ARID1B: variants seen among roughly 807,000 people sequenced by gnomAD.
ARID1B encodes the protein AT-rich interactive domain-containing protein 1B.
A neutral mutation model predicts 212.3 loss-of-function variants in ARID1B; 30 were observed. The observed-to-expected ratio is 0.14, with a 90% confidence interval of 0.11 to 0.19. The LOEUF (loss-of-function observed/expected upper bound fraction) is 0.19. ARID1B is among the 10% of genes least tolerant of loss of function. The probability of loss-of-function intolerance (pLI) is 1.00; values close to 1 mark genes in which losing one functional copy is unlikely to be tolerated. For missense variants in ARID1B, 2,891 were observed against 3,204.0 expected (o/e 0.90, Z 2.36); for synonymous variants, 1,402 against 1,301.7 (o/e 1.08, Z -1.66).
At chr6:156,792,830 G>A (rs1016615449) in intron 1 of ARID1B, among the ~76,000 whole-genome samples, 1 of 152,200 alleles carries the variant, frequency 6.6e-6, no homozygotes, top group Non-Finnish European at 1.5e-5. Context: ...GGCTCTTTCC[G>A]TGGGTGTAAA....
intron 4 of ARID1B, among the ~76,000 whole-genome samples, chr6:157,004,717 G>A (rs1291312957): frequency 5.3e-5 from 8 of 152,050 alleles, no homozygotes; most frequent in Non-Finnish European, 1.2e-4. Flanking sequence ...AGGCTGGAGT[G>A]ATTTTATTGC....
chr6:157,051,250 G>C (rs1008969046), intron 4 of ARID1B, among the ~76,000 whole-genome samples: 2 of 152,194 alleles, frequency 1.3e-5, no homozygotes, highest in Non-Finnish European at 2.9e-5. Flanking sequence ...GAGAGGTTAA[G>C]CTGAACGAAC....
chr6:156,795,747 C>G (rs1780322688), intron 1 of ARID1B, among the ~76,000 whole-genome samples: 1 of 152,178 alleles, frequency 6.6e-6, no homozygotes, highest in Admixed American at 6.5e-5. Context: ...CCGAGACCCT[C>G]TGCGCCCTTC....
chr6:156,899,747 C>T (rs1033634533), intron 2 of ARID1B, among the ~76,000 whole-genome samples: 16 of 152,130 alleles, frequency 1.1e-4, no homozygotes, highest in African/African-American at 3.4e-4. Context: ...AGCGCCCCCT[C>T]CCCAAACAAC....
chr6:156,925,562 T>C lies in ARID1B; in HGVS notation c.2137-9904T>C, dbSNP rs766527224. On this transcript the variant is annotated intron_variant, in intron 3 of 19. Transcript: ENST00000636930. Reference sequence around the variant, plus strand: ...AAAAAAGTCTGGAAATAATTATTCCTTTGAATTGATAGAAAATAAATAATA... The same window carrying C: ...AAAAAAGTCTGGAAATAATTATTCCCTTGAATTGATAGAAAATAAATAATA... Among the ~76,000 whole-genome samples the C allele has an allele frequency of 3.9e-5, 6 of 152,164 alleles. 1 individual carries two copies. Among genetic ancestry groups the C allele is most frequent in the Non-Finnish European group, 7.3e-5 (5 of 68,038 alleles).
intron 2 of ARID1B, among the ~76,000 whole-genome samples, chr6:156,899,325 C>T (rs1432953978): frequency 6.6e-6 from 1 of 152,178 alleles, no homozygotes; most frequent in Non-Finnish European, 1.5e-5. Flanking sequence ...CCCATCATGG[C>T]TCCCATTGAA....
At chr6:157,126,803 CT>C (rs774330625) in intron 6 of ARID1B, among the ~76,000 whole-genome samples, 2 of 152,090 alleles carry the variant, frequency 1.3e-5, no homozygotes, top group Non-Finnish European at 2.9e-5. Context: ...TTTATATTTT[CT>C]GAATTTCCCT....
intron 4 of ARID1B, among the ~76,000 whole-genome samples, chr6:157,040,759 A>G (rs147727705): frequency 1.7e-3 from 257 of 152,298 alleles, no homozygotes; most frequent in African/African-American, 6.0e-3. Flanking sequence ...GCAAATATCT[A>G]TGTTCTACTT....
At chr6:156,908,619 T>C (rs1215578987) in intron 3 of ARID1B, among the ~76,000 whole-genome samples, 1 of 152,128 alleles carries the variant, frequency 6.6e-6, no homozygotes, top group Non-Finnish European at 1.5e-5. Context: ...CATTTTTTGT[T>C]TGATGAAGCT....
At chr6:156,784,971 G>T (rs1779537197) in intron 1 of ARID1B, among the ~76,000 whole-genome samples, 1 of 152,082 alleles carries the variant, frequency 6.6e-6, no homozygotes. Flanking sequence ...TGTTGCCCAG[G>T]CTGGTCTCGA....
intron 8 of ARID1B, among the ~76,000 whole-genome samples, chr6:157,154,651 C>T (rs923086057): frequency 1.3e-4 from 19 of 143,662 alleles, no homozygotes; most frequent in Non-Finnish European, 2.5e-4. Flanking sequence ...ACAATATCGG[C>T]TCACTGCAAC....
chr6:156,811,901 C>G (rs1343548235), intron 1 of ARID1B, among the ~76,000 whole-genome samples: 3 of 152,060 alleles, frequency 2.0e-5, no homozygotes, highest in African/African-American at 7.3e-5. Flanking sequence ...GATGCCTTCC[C>G]CAAAAAGCAT....
At chr6:156,834,221 AT>A (rs35667176) in intron 2 of ARID1B, among the ~76,000 whole-genome samples, 6,392 of 152,242 alleles carry the variant, frequency 0.042, 331 homozygotes, top group East Asian at 0.27. Flanking sequence ...CAATCTTTGA[AT>A]CCTAAATATG....
chr6:156,907,905 CAAAAA>C (rs1210631219), intron 3 of ARID1B, among the ~76,000 whole-genome samples: 3 of 74,448 alleles, frequency 4.0e-5, no homozygotes, highest in Admixed American at 1.6e-4. Context: ...AAGACTGTCT[CAAAAA>C]AAAAAAAAAA....
At chr6:157,189,823 T>A (rs2128339195) in intron 14 of ARID1B, 43 bp downstream of exon 14, 2 of 1,611,328 alleles carry the variant, frequency 1.2e-6, no homozygotes, top group East Asian at 4.5e-5. Flanking sequence ...GTCACATTTG[T>A]TCATCTTTTA....
intron 6 of ARID1B, among the ~76,000 whole-genome samples, chr6:157,127,163 C>T (rs908954083): frequency 1.3e-5 from 2 of 152,142 alleles, no homozygotes; most frequent in African/African-American, 2.4e-5. Context: ...GAAAGAAAAA[C>T]GTTTAAACCA....
chr6:156,926,013 T>G (rs1466502817), intron 3 of ARID1B, among the ~76,000 whole-genome samples: 1 of 152,230 alleles, frequency 6.6e-6, no homozygotes, highest in Non-Finnish European at 1.5e-5. Context: ...ATAGTGAAGT[T>G]GGCATTTGAA....
chr6:157,193,571 C>T (rs920766232), intron 15 of ARID1B: 3 of 152,174 alleles, frequency 2.0e-5, no homozygotes, highest in Non-Finnish European at 2.9e-5. Flanking sequence ...CTGCTGGGCT[C>T]TGATGTCTCT....
chr6:157,137,313 A>G (rs1487070032), intron 7 of ARID1B, among the ~76,000 whole-genome samples: 1 of 152,250 alleles, frequency 6.6e-6, no homozygotes, highest in Non-Finnish European at 1.5e-5. Context: ...TAATTACAGT[A>G]TATTTTATGA....
Sources: gnomAD v4.1 joint callset for allele counts (sites outside exome capture counted in the v4.1 genomes callset) on GRCh38, gnomAD v4.1.1 for gene constraint, MANE v1.5 for transcripts, NCBI Gene and HGNC (gene_info 2026-07-23, HGNC 2026-07-21) for gene names.